The following PTPRQ variants were observed in gnomAD, a reference collection of about 807,000 sequenced individuals.
The protein encoded by PTPRQ is phosphatidylinositol phosphatase PTPRQ.
In PTPRQ, 199 loss-of-function variants were observed where a neutral mutation model predicts 246.0. That is an observed-to-expected ratio of 0.81 (90% CI 0.72 to 0.91). The LOEUF (loss-of-function observed/expected upper bound fraction) is 0.91. PTPRQ is among the 40% of genes least tolerant of loss of function. The pLI, the probability that PTPRQ is intolerant of heterozygous loss-of-function variation, is 0.00. For missense variants in PTPRQ, 2,624 were observed against 2,528.4 expected, an observed-to-expected ratio of 1.04 and a Z score of -0.81; for synonymous variants, 869 against 853.2, an observed-to-expected ratio of 1.02 and a Z score of -0.32.
At chr12:80,466,959 T>C (rs1262525944) in intron 6 of PTPRQ, among the ~76,000 whole-genome samples, 4 of 152,138 alleles carry the variant, frequency 2.6e-5, no homozygotes, top group Non-Finnish European at 5.9e-5. Flanking sequence ...AAGGACTTCA[T>C]GTCTAAAACA....
Position 80,483,754 on chromosome 12 carries a change from G to A in PTPRQ, c.1187-679G>A, listed in dbSNP as rs1329837185. Among the ~76,000 whole-genome samples the A allele has an allele frequency of 8.6e-5, 13 of 151,518 alleles. No homozygotes were observed. The Middle Eastern group carries it at 0.014, about 160-fold the overall frequency. On this transcript the variant is annotated intron_variant, in intron 8 of 44. Transcript: ENST00000644991. ...CCCCTAGCCCCCCACCCACCGACAG[G>A]CCCCGGTGTATGATGTTCCTCTCCC...
chr12:80,643,427 A>G (rs1056809703), intron 35 of PTPRQ, among the ~76,000 whole-genome samples: 1 of 150,080 alleles, frequency 6.7e-6, no homozygotes, highest in African/African-American at 2.5e-5. Flanking sequence ...AACAATCGTG[A>G]AATCCCATCT....
intron 8 of PTPRQ, 66 bp from the exon 9 acceptor site, chr12:80,484,367 C>A: frequency 6.7e-7 from 1 of 1,481,930 alleles, no homozygotes; most frequent in Non-Finnish European, 8.9e-7. Flanking sequence ...AATTTAGGCA[C>A]TTTTTTCACT....
chr12:80,490,693 G>T (rs953404143), intron 9 of PTPRQ, among the ~76,000 whole-genome samples: 2 of 151,902 alleles, frequency 1.3e-5, no homozygotes, highest in African/African-American at 2.4e-5. Flanking sequence ...ATCTAATTCA[G>T]AATGTCAGTA....
At chr12:80,611,561 C>T (rs1898552066) in intron 28 of PTPRQ, among the ~76,000 whole-genome samples, 1 of 150,190 alleles carries the variant, frequency 6.7e-6, no homozygotes, top group African/African-American at 2.4e-5. Flanking sequence ...CTTCTCAATC[C>T]CTCCTACCTG....
At chr12:80,522,508 A>G (rs1412254979) in intron 17 of PTPRQ, among the ~76,000 whole-genome samples, 1 of 151,994 alleles carries the variant, frequency 6.6e-6, no homozygotes, top group Non-Finnish European at 1.5e-5. Context: ...TTTGTCATAG[A>G]TAGCTCTTAT....
At position 80,542,123 on chromosome 12, in the gene PTPRQ, A is replaced by G. The variant is rs1565775292; in HGVS notation, c.3480A>G (p.Lys1160=). ...PETSPIINTF[K]NLSSTSVLLS... ...CTTCACCAATAATCAACACTTTTAA[A>G]AACCTTTCCTCTACCTCAGTTCTCT... Residue 1160 remains lysine (K), a synonymous_variant, in exon 22 of 45, where the codon AAA becomes AAG. Coordinates refer to ENST00000644991, the MANE Select transcript of PTPRQ (RefSeq NM_001145026.2). The G allele has an allele frequency of 1.3e-5, 20 of 1,549,752 alleles. No individual in the cohort carries two copies. Among genetic ancestry groups the G allele is most frequent in the Non-Finnish European group, 1.7e-5 (19 of 1,146,418 alleles).
At chr12:80,501,408 C>A (rs1047020265) in intron 14 of PTPRQ, among the ~76,000 whole-genome samples, 1 of 151,726 alleles carries the variant, frequency 6.6e-6, no homozygotes, top group Non-Finnish European at 1.5e-5. Context: ...ATGGGGCAGT[C>A]CAGGGAAGAG....
intron 28 of PTPRQ, among the ~76,000 whole-genome samples, chr12:80,611,524 G>T (rs553343498): frequency 2.0e-5 from 3 of 150,216 alleles, no homozygotes; most frequent in South Asian, 4.2e-4. Context: ...AGTATCACAG[G>T]TATCTATTTT....
At chr12:80,454,909 C>T (rs1244877685) in intron 3 of PTPRQ, among the ~76,000 whole-genome samples, 2 of 152,194 alleles carry the variant, frequency 1.3e-5, no homozygotes, top group African/African-American at 2.4e-5. Flanking sequence ...GGGTGCAGTG[C>T]CTCATGCCTG....
At chr12:80,571,206 A>G (rs1897136980) in intron 25 of PTPRQ, among the ~76,000 whole-genome samples, 1 of 152,166 alleles carries the variant, frequency 6.6e-6, no homozygotes, top group South Asian at 2.1e-4. Context: ...GTGCAATGGC[A>G]TGATCTTGGC....
At chr12:80,649,468 G>A (rs554061257) in intron 36 of PTPRQ, 120 bp from the exon 37 acceptor site, 283 of 1,310,192 alleles carry the variant, frequency 2.2e-4, no homozygotes, top group Non-Finnish European at 2.7e-4. Context: ...AAGCTGTGTT[G>A]TTTGTGATTT....
intron 25 of PTPRQ, among the ~76,000 whole-genome samples, chr12:80,577,225 T>G (rs890732339): frequency 1.3e-5 from 2 of 152,312 alleles, no homozygotes; most frequent in African/African-American, 2.4e-5. Flanking sequence ...CAATTTATAA[T>G]GGAAAGAAGT....
At chr12:80,630,291 G>T (rs78277620) in intron 33 of PTPRQ, among the ~76,000 whole-genome samples, 2 of 151,798 alleles carry the variant, frequency 1.3e-5, no homozygotes, top group Admixed American at 6.6e-5. Context: ...AGGTTGTCAC[G>T]TAGGAAGTCC....
At chr12:80,660,593 A>C (rs755375758) in intron 39 of PTPRQ, among the ~76,000 whole-genome samples, 6 of 152,070 alleles carry the variant, frequency 3.9e-5, no homozygotes, top group Non-Finnish European at 8.8e-5. Flanking sequence ...ATTTTGAGGA[A>C]GGCTCGTCAA....
chr12:80,669,298 T>C, intron 40 of PTPRQ, 41 bp from the exon 41 acceptor site: 1 of 1,543,328 alleles, frequency 6.5e-7, no homozygotes, highest in Non-Finnish European at 8.7e-7. Flanking sequence ...TATATCAATA[T>C]AACAATGACG....
intron 9 of PTPRQ, among the ~76,000 whole-genome samples, chr12:80,490,664 G>A (rs548092031): frequency 7.9e-4 from 120 of 152,042 alleles, no homozygotes; most frequent in African/African-American, 2.7e-3. Context: ...GTACAGGACA[G>A]CCTCCGCAAC....
At chr12:80,454,947 C>G (rs150204307) in intron 3 of PTPRQ, among the ~76,000 whole-genome samples, 2 of 152,148 alleles carry the variant, frequency 1.3e-5, no homozygotes. Flanking sequence ...GAGGCCGAGG[C>G]GGGCGGATCA....
intron 17 of PTPRQ, among the ~76,000 whole-genome samples, chr12:80,510,770 C>G (rs1269920718): frequency 6.6e-6 from 1 of 152,070 alleles, no homozygotes; most frequent in Non-Finnish European, 1.5e-5. Flanking sequence ...CACAAGTACT[C>G]TCATGTCATT....
Sources: gnomAD v4.1 joint callset for allele counts (sites outside exome capture counted in the v4.1 genomes callset) on GRCh38, gnomAD v4.1.1 for gene constraint, MANE v1.5 for transcripts, NCBI Gene and HGNC (gene_info 2026-07-23, HGNC 2026-07-21) for gene names.